The following SDK1 variants were observed in gnomAD, a reference collection of about 807,000 sequenced individuals.
SDK1 encodes protein sidekick-1.
Under a neutral mutation model 245.5 loss-of-function variants are expected in SDK1, and 157 were observed. The ratio of observed to expected loss-of-function variants is 0.64; its 90% confidence interval spans 0.56 to 0.73. The LOEUF (loss-of-function observed/expected upper bound fraction) is 0.73. SDK1 is among the 30% of genes least tolerant of loss of function. SDK1 has a pLI of 0.00. For synonymous variants in SDK1, 1,647 were observed against 1,278.5 expected, an observed-to-expected ratio of 1.29 and a Z score of -6.15; for missense variants, 3,583 against 3,002.3, an observed-to-expected ratio of 1.19 and a Z score of -4.52.
chr7:3,433,117 A>T (rs769603392), intron 1 of SDK1, among the ~76,000 whole-genome samples: 1 of 152,232 alleles, frequency 6.6e-6, no homozygotes, highest in Non-Finnish European at 1.5e-5. Flanking sequence ...ACATAATTCA[A>T]GTTGACCAGT....
chr7:3,759,698 T>A (rs1316538284), intron 4 of SDK1, among the ~76,000 whole-genome samples: 3 of 151,998 alleles, frequency 2.0e-5, no homozygotes, highest in African/African-American at 7.2e-5. Flanking sequence ...TTCAGGCGAT[T>A]CTTCTGCCTC....
intron 4 of SDK1, among the ~76,000 whole-genome samples, chr7:3,801,704 C>G (rs1037128709): frequency 2.0e-5 from 3 of 152,194 alleles, no homozygotes; most frequent in Non-Finnish European, 4.4e-5. Context: ...ATCTCTGTCT[C>G]TCTGGTTCCT....
rs895643006 is a variant in SDK1 at position 3,314,955 on chromosome 7, T to C, written c.298+13071T>C. 1.1e-4 allele frequency among the ~76,000 whole-genome samples: 17 copies of C among 152,024 alleles called. No homozygotes were observed. The South Asian group carries it at 1.7e-3, about 15-fold the overall frequency. The stretch of plus-strand genomic sequence containing the variant: ...CTGTGAATTGTCCCAAATCAGCCAG[T>C]GAGGAAACATTGGGAGTCCTAACCC... On this transcript the variant is annotated intron_variant, in intron 1 of 44. Transcript: ENST00000404826.
At chr7:3,511,747 A>G in intron 1 of SDK1, among the ~76,000 whole-genome samples, 1 of 151,962 alleles carries the variant, frequency 6.6e-6, no homozygotes, top group African/African-American at 2.4e-5. Flanking sequence ...AAGCATACAA[A>G]ATCAACCATT....
intron 1 of SDK1, among the ~76,000 whole-genome samples, chr7:3,390,323 A>G (rs1245307116): frequency 6.6e-6 from 1 of 152,166 alleles, no homozygotes; most frequent in Non-Finnish European, 1.5e-5. Context: ...TCTATAAAAG[A>G]GTTTAGCTTT....
intron 17 of SDK1, among the ~76,000 whole-genome samples, chr7:4,025,379 C>T (rs576332249): frequency 2.0e-5 from 3 of 152,150 alleles, no homozygotes; most frequent in South Asian, 2.1e-4. Flanking sequence ...TGAGCAGGGC[C>T]GCCAGCCGAG....
intron 1 of SDK1, among the ~76,000 whole-genome samples, chr7:3,308,693 G>C (rs1452374147): frequency 6.6e-6 from 1 of 151,962 alleles, no homozygotes; most frequent in Non-Finnish European, 1.5e-5. Context: ...TAGAGTTGTG[G>C]GTTCAAAGAA....
At chr7:3,446,075 G>T (rs1259790995) in intron 1 of SDK1, among the ~76,000 whole-genome samples, 1 of 151,860 alleles carries the variant, frequency 6.6e-6, no homozygotes, top group African/African-American at 2.4e-5. Flanking sequence ...ATGTTCTATT[G>T]CTCCCTTCTG....
At chr7:3,994,341 A>C (rs1784550647) in intron 14 of SDK1, among the ~76,000 whole-genome samples, 1 of 152,150 alleles carries the variant, frequency 6.6e-6, no homozygotes, top group African/African-American at 2.4e-5. Flanking sequence ...TTCCTCTTCC[A>C]AGTTAGAGAT....
intron 1 of SDK1, among the ~76,000 whole-genome samples, chr7:3,569,708 C>T (rs1303849373): frequency 6.6e-6 from 1 of 152,192 alleles, no homozygotes; most frequent in Non-Finnish European, 1.5e-5. Flanking sequence ...AATCAAAGCA[C>T]TGGGTTAATT....
At chr7:3,570,573 C>G (rs1012447565) in intron 1 of SDK1, among the ~76,000 whole-genome samples, 1 of 152,160 alleles carries the variant, frequency 6.6e-6, no homozygotes, top group African/African-American at 2.4e-5. Context: ...CTCCATTACT[C>G]TTTCAAGAAA....
intron 4 of SDK1, among the ~76,000 whole-genome samples, chr7:3,790,520 A>C (rs1215870123): frequency 1.3e-5 from 2 of 152,194 alleles, no homozygotes; most frequent in Non-Finnish European, 2.9e-5. Context: ...TAAAAAGTCT[A>C]ACAGTCGGCC....
At chr7:3,620,773 G>C (rs76076294) in intron 2 of SDK1, among the ~76,000 whole-genome samples, 2 of 152,064 alleles carry the variant, frequency 1.3e-5, no homozygotes, top group African/African-American at 4.8e-5. Context: ...GGTTCTCCTC[G>C]GTGCTCTCTG....
intron 1 of SDK1, among the ~76,000 whole-genome samples, chr7:3,490,389 G>T (rs527726757): frequency 6.6e-6 from 1 of 152,036 alleles, no homozygotes; most frequent in Non-Finnish European, 1.5e-5. Context: ...TATGAAATTT[G>T]GCCTAGGCAC....
At chr7:3,669,859 T>A (rs55785035) in intron 4 of SDK1, among the ~76,000 whole-genome samples, 3 of 152,004 alleles carry the variant, frequency 2.0e-5, no homozygotes, top group Admixed American at 2.0e-4. Context: ...AAAACAGAAC[T>A]CTTTTTTCTT....
intron 1 of SDK1, among the ~76,000 whole-genome samples, chr7:3,552,958 C>T (rs1334830755): frequency 6.6e-6 from 1 of 152,090 alleles, no homozygotes; most frequent in Admixed American, 6.5e-5. Flanking sequence ...TTGTATATTT[C>T]TGTTTTTCTT....
intron 1 of SDK1, among the ~76,000 whole-genome samples, chr7:3,432,153 A>T (rs1562482986): frequency 6.7e-6 from 1 of 148,428 alleles, no homozygotes; most frequent in Non-Finnish European, 1.5e-5. Flanking sequence ...TATTTAAAAA[A>T]TATATATTTT....
intron 18 of SDK1, 55 bp from the exon 19 acceptor site, chr7:4,051,583 G>A (rs928216470): frequency 1.4e-6 from 2 of 1,459,582 alleles, no homozygotes; most frequent in Non-Finnish European, 1.9e-6. Flanking sequence ...GCAGACATGA[G>A]TGTGGAGAAA....
intron 20 of SDK1, among the ~76,000 whole-genome samples, chr7:4,070,697 T>G (rs533455416): frequency 1.3e-5 from 2 of 150,946 alleles, no homozygotes; most frequent in Non-Finnish European, 2.9e-5. Context: ...TTGGAGCCAG[T>G]GCCACCTCTC....
Sources: gnomAD v4.1 joint callset for allele counts (sites outside exome capture counted in the v4.1 genomes callset) on GRCh38, gnomAD v4.1.1 for gene constraint, MANE v1.5 for transcripts, NCBI Gene and HGNC (gene_info 2026-07-23, HGNC 2026-07-21) for gene names.